Variants in EXT1 observed in about 807,000 individuals in gnomAD.
The protein encoded by EXT1 is exostosin-1.
EXT1 carries 20 observed loss-of-function variants against 82.5 expected under a neutral mutation model. The observed-to-expected ratio is 0.24, with a 90% CI of 0.17 to 0.35. The LOEUF (loss-of-function observed/expected upper bound fraction) is 0.35. Among genes scored for constraint, EXT1 ranks in the 10% least tolerant of loss-of-function variants. EXT1 has a pLI of 1.00. For synonymous variants in EXT1, 348 were observed against 350.8 expected, an observed-to-expected ratio of 0.99 and a Z score of 0.09; for missense variants, 757 against 936.5, an observed-to-expected ratio of 0.81 and a Z score of 2.50.
intron 5 of EXT1, among the ~76,000 whole-genome samples, chr8:117,821,568 A>C (rs776780846): frequency 5.9e-5 from 9 of 152,216 alleles, no homozygotes; most frequent in Non-Finnish European, 1.2e-4. Context: ...GTTTGGATTA[A>C]AAGGTGCTTT....
At chr8:117,898,812 C>G (rs1391028712) in intron 1 of EXT1, among the ~76,000 whole-genome samples, 1 of 150,292 alleles carries the variant, frequency 6.7e-6, no homozygotes, top group Non-Finnish European at 1.5e-5. Flanking sequence ...CCTACTAAAC[C>G]CAGACGGCAG....
chr8:118,056,635 G>A (rs970847537), intron 1 of EXT1, among the ~76,000 whole-genome samples: 2 of 152,100 alleles, frequency 1.3e-5, no homozygotes, highest in Admixed American at 6.5e-5. Flanking sequence ...TTCAAGCCTG[G>A]GTGACCATCC....
Position 117,802,529 on chromosome 8 carries a change from C to T in EXT1, c.2055+2193G>A, listed in dbSNP as rs922130697. Among the ~76,000 whole-genome samples the T allele has an allele frequency of 2.0e-5, 3 of 152,144 alleles. No homozygotes were observed. The East Asian group carries it at 5.8e-4, about 29-fold the overall frequency. On this transcript the variant is annotated intron_variant, in intron 10 of 10. Transcript: ENST00000378204. ...CTGCCTACAGTATTCAGTACAGTGACATGCTATATATGTTATAGCCTAGGA... is the reference window on the plus strand; with the variant it reads ...CTGCCTACAGTATTCAGTACAGTGATATGCTATATATGTTATAGCCTAGGA...
intron 1 of EXT1, among the ~76,000 whole-genome samples, chr8:117,862,877 G>A (rs1812709286): frequency 6.9e-6 from 1 of 144,022 alleles, no homozygotes; most frequent in Non-Finnish European, 1.6e-5. Context: ...AGGGAGCTGT[G>A]GGAAGAATAA....
intron 1 of EXT1, among the ~76,000 whole-genome samples, chr8:117,979,265 A>G (rs2129760929): frequency 6.6e-6 from 1 of 152,112 alleles, no homozygotes; most frequent in Admixed American, 6.5e-5. Context: ...GAGGCAGAAG[A>G]ATTGCTTGAA....
chr8:117,829,014 G>C (rs1432467935), intron 4 of EXT1, among the ~76,000 whole-genome samples: 4 of 152,158 alleles, frequency 2.6e-5, no homozygotes, highest in African/African-American at 9.7e-5. Flanking sequence ...AGATTTCTCA[G>C]TGTAGGTTCC....
At chr8:117,830,128 C>A (rs1007656650) in intron 4 of EXT1, 102 bp downstream of exon 4, 1 of 1,488,804 alleles carries the variant, frequency 6.7e-7, no homozygotes, top group Non-Finnish European at 9.3e-7. Flanking sequence ...TCTGGTTTTG[C>A]CCCACTGGAC....
chr8:118,002,595 G>A (rs1182725758), intron 1 of EXT1, among the ~76,000 whole-genome samples: 2 of 140,022 alleles, frequency 1.4e-5, no homozygotes, highest in Non-Finnish European at 3.0e-5. Context: ...GCAGTGGTGC[G>A]ATCTCAGCTC....
intron 1 of EXT1, among the ~76,000 whole-genome samples, chr8:117,864,326 G>A (rs1200273437): frequency 6.6e-6 from 1 of 152,132 alleles, no homozygotes; most frequent in East Asian, 1.9e-4. Context: ...ACTAAGTTTT[G>A]CTTGCCTTTT....
intron 1 of EXT1, among the ~76,000 whole-genome samples, chr8:117,902,739 T>C (rs1050883539): frequency 3.3e-5 from 5 of 152,222 alleles, no homozygotes; most frequent in Admixed American, 6.5e-5. Flanking sequence ...ATATTAGGCA[T>C]CTTCTTCCAT....
At chr8:117,883,266 T>C (rs1309308038) in intron 1 of EXT1, among the ~76,000 whole-genome samples, 1 of 152,232 alleles carries the variant, frequency 6.6e-6, no homozygotes, top group Non-Finnish European at 1.5e-5. Flanking sequence ...CATTTAAAAC[T>C]AGTCCTGGGC....
intron 1 of EXT1, among the ~76,000 whole-genome samples, chr8:117,954,859 C>G (rs1814558105): frequency 6.6e-6 from 1 of 152,150 alleles, no homozygotes; most frequent in Non-Finnish European, 1.5e-5. Flanking sequence ...TGATTGAATT[C>G]AATTCTGACA....
intron 1 of EXT1, among the ~76,000 whole-genome samples, chr8:117,882,363 G>A (rs1375126966): frequency 2.6e-5 from 4 of 152,292 alleles, no homozygotes; most frequent in South Asian, 2.1e-4. Context: ...GATTACAGTC[G>A]TGAGCCATCA....
intron 1 of EXT1, among the ~76,000 whole-genome samples, chr8:117,839,141 A>G (rs1056031749): frequency 6.6e-6 from 1 of 152,194 alleles, no homozygotes. Context: ...TAAGATTGAC[A>G]TGATCGAAGC....
chr8:118,087,024 T>C (rs1266857158), intron 1 of EXT1, among the ~76,000 whole-genome samples: 1 of 152,234 alleles, frequency 6.6e-6, no homozygotes, highest in Non-Finnish European at 1.5e-5. Flanking sequence ...ATGATTCTGT[T>C]ACTGCTTCTT....
At chr8:117,833,996 G>T (rs1466862132) in intron 3 of EXT1, among the ~76,000 whole-genome samples, 1 of 152,066 alleles carries the variant, frequency 6.6e-6, no homozygotes, top group Non-Finnish European at 1.5e-5. Context: ...CATAAAAGTG[G>T]CCCTTTCACA....
intron 1 of EXT1, among the ~76,000 whole-genome samples, chr8:118,074,099 G>A (rs1435857275): frequency 3.9e-5 from 6 of 151,998 alleles, no homozygotes; most frequent in Non-Finnish European, 8.8e-5. Flanking sequence ...TGGGAGTGGG[G>A]GTGAGGGTGA....
intron 1 of EXT1, among the ~76,000 whole-genome samples, chr8:117,977,331 G>A (rs953668921): frequency 6.6e-6 from 1 of 150,512 alleles, no homozygotes; most frequent in East Asian, 2.0e-4. Flanking sequence ...AGGCTACAGC[G>A]AGCCGTGATT....
intron 1 of EXT1, among the ~76,000 whole-genome samples, chr8:118,105,341 G>T (rs1302409799): frequency 6.6e-6 from 1 of 152,202 alleles, no homozygotes; most frequent in Non-Finnish European, 1.5e-5. Flanking sequence ...CCTCCAATGG[G>T]CAGGACCTGC....
Sources: gnomAD v4.1 joint callset for allele counts (sites outside exome capture counted in the v4.1 genomes callset) on GRCh38, gnomAD v4.1.1 for gene constraint, MANE v1.5 for transcripts, NCBI Gene and HGNC (gene_info 2026-07-23, HGNC 2026-07-21) for gene names.